The following DISC1 variants were observed in gnomAD, a reference collection of about 807,000 sequenced individuals.
The protein encoded by DISC1 is DISC1 scaffold protein, also known as disrupted in schizophrenia 1 protein.
A neutral mutation model predicts 84.5 loss-of-function variants in DISC1; 57 were observed. The observed-to-expected ratio is 0.67, with a 90% CI of 0.55 to 0.84. DISC1 has a LOEUF of 0.84. DISC1 is among the 40% of genes least tolerant of loss of function. DISC1 has a pLI of 0.00. For missense variants in DISC1, 1,000 were observed against 1,057.8 expected (o/e 0.95, Z 0.76); for synonymous variants, 411 against 415.2 (o/e 0.99, Z 0.12).
At chr1:231,660,934 C>T (rs1442609959) in intron 1 of DISC1, among the ~76,000 whole-genome samples, 1 of 152,040 alleles carries the variant, frequency 6.6e-6, no homozygotes, top group Non-Finnish European at 1.5e-5. Context: ...TTTAGTGCTT[C>T]CTGGTGGTGA....
At position 231,942,608 on chromosome 1, in the gene DISC1, C is replaced by T. The variant is rs545844701; in HGVS notation, c.1982-16220C>T. ...TGGACCTGGGAGGCAGAGGTTGCAGCGAGCCGAGATTGCACCACTGCACTC... is the reference window on the plus strand; with the variant it reads ...TGGACCTGGGAGGCAGAGGTTGCAGTGAGCCGAGATTGCACCACTGCACTC... On this transcript the variant is annotated intron_variant, in intron 9 of 12. Coordinates refer to ENST00000439617, the MANE Select transcript of DISC1 (RefSeq NM_018662.3). 5.3e-5 allele frequency among the ~76,000 whole-genome samples: 8 copies of T among 151,996 alleles called. No homozygotes were observed. In the East Asian group the frequency reaches 1.2e-3, roughly 22 times the overall value.
rs536074098 is a variant in DISC1 at position 231,642,079 on chromosome 1, C to T, written c.67+15145C>T. Among the ~76,000 whole-genome samples, 31 of 152,304 alleles carry T rather than the reference C, an allele frequency of 2.0e-4. No homozygotes were observed. In the South Asian group the frequency reaches 5.4e-3, roughly 26 times the overall value. On this transcript the variant is annotated intron_variant, in intron 1 of 12. Coordinates refer to ENST00000439617, the MANE Select transcript of DISC1 (RefSeq NM_018662.3). ...GGCTCAGGCATGGCGGGCTGCAGGT[C>T]CCCAGCCCTGCCCCGCGGGAAGGCA...
At chr1:231,807,870 A>T (rs1359377916) in intron 8 of DISC1, among the ~76,000 whole-genome samples, 3 of 152,232 alleles carry the variant, frequency 2.0e-5, no homozygotes, top group African/African-American at 7.2e-5. Context: ...CTGTGAAAAA[A>T]ACTTTTAAAA....
chr1:231,677,570 C>T (rs979818884), intron 1 of DISC1, among the ~76,000 whole-genome samples: 7 of 152,226 alleles, frequency 4.6e-5, no homozygotes, highest in African/African-American at 7.2e-5. Flanking sequence ...TGTATCCTTA[C>T]GACAGCCTTT....
Position 232,010,007 on chromosome 1 carries a change from C to T in DISC1, c.2307+958C>T, listed in dbSNP as rs188249579. Among the ~76,000 whole-genome samples, 4 of 152,364 alleles carry T rather than the reference C, an allele frequency of 2.6e-5. No individual in the cohort carries two copies. In the East Asian group the frequency reaches 7.7e-4, roughly 29 times the overall value. ...CAGCCCTGCCAGTCTCACATCCCAT[C>T]TGCAGGACCATGGCCTTCAGAGAGC... On this transcript the variant is annotated intron_variant, in intron 11 of 12. Transcript: ENST00000439617.
intron 1 of DISC1, among the ~76,000 whole-genome samples, chr1:231,637,821 C>G (rs1302386479): frequency 7.9e-5 from 12 of 152,114 alleles, no homozygotes; most frequent in African/African-American, 2.7e-4. Context: ...AGGTATTTTT[C>G]TGATACATTG....
chr1:231,678,980 T>G (rs1455744476), intron 1 of DISC1, among the ~76,000 whole-genome samples: 1 of 152,204 alleles, frequency 6.6e-6, no homozygotes, highest in East Asian at 1.9e-4. Context: ...CCGGCCACGT[T>G]GCTCTGTCTC....
intron 7 of DISC1, among the ~76,000 whole-genome samples, chr1:231,796,272 G>A (rs993976400): frequency 6.6e-6 from 1 of 152,074 alleles, no homozygotes; most frequent in Admixed American, 6.6e-5. Flanking sequence ...ATGACTAAAT[G>A]TTGTGGCAGA....
intron 4 of DISC1, among the ~76,000 whole-genome samples, chr1:231,766,384 T>A (rs11122331): frequency 0.14 from 21,319 of 151,618 alleles, 1,565 homozygotes; most frequent in Middle Eastern, 0.2. Flanking sequence ...CTTGGCCTAA[T>A]TTTATTAAGT....
intron 4 of DISC1, among the ~76,000 whole-genome samples, chr1:231,762,385 G>A (rs1308138633): frequency 6.6e-6 from 1 of 151,108 alleles, no homozygotes; most frequent in Non-Finnish European, 1.5e-5. Flanking sequence ...CCTAGGCTGG[G>A]GTGCAGCAGC....
chr1:231,764,661 G>C (rs2076025462), intron 4 of DISC1, among the ~76,000 whole-genome samples: 1 of 152,102 alleles, frequency 6.6e-6, no homozygotes, highest in Non-Finnish European at 1.5e-5. Flanking sequence ...AGTATTTTCA[G>C]TCTTGGGCTA....
At chr1:231,810,452 A>G (rs202128749) in intron 8 of DISC1, among the ~76,000 whole-genome samples, 2 of 152,222 alleles carry the variant, frequency 1.3e-5, no homozygotes, top group Non-Finnish European at 2.9e-5. Context: ...CAAGAGACCC[A>G]GTAAAGATGT....
intron 1 of DISC1, among the ~76,000 whole-genome samples, chr1:231,691,421 G>A (rs781454024): frequency 2.0e-5 from 3 of 148,928 alleles, no homozygotes; most frequent in African/African-American, 5.1e-5. Context: ...ACAGGAGCGA[G>A]ACTGTCTCAA....
chr1:231,750,302 G>A (rs1487960263), intron 4 of DISC1: 11 of 1,352,460 alleles, frequency 8.1e-6, no homozygotes, highest in African/African-American at 1.5e-5. Context: ...GACAGAGAGA[G>A]AACCTTCTCA....
chr1:232,035,804 G>A (rs1670464626), intron 12 of DISC1, among the ~76,000 whole-genome samples: 1 of 152,184 alleles, frequency 6.6e-6, no homozygotes, highest in African/African-American at 2.4e-5. Context: ...GGATGAACTG[G>A]ATGACGTATG....
chr1:231,657,607 GT>G (rs908015835), intron 1 of DISC1, among the ~76,000 whole-genome samples: 32 of 152,254 alleles, frequency 2.1e-4, no homozygotes, highest in African/African-American at 5.8e-4. Context: ...CATTTTTATA[GT>G]TTTGGGTTTT....
intron 9 of DISC1, among the ~76,000 whole-genome samples, chr1:231,947,863 A>T (rs1315606255): frequency 1.3e-5 from 2 of 152,280 alleles, no homozygotes; most frequent in African/African-American, 4.8e-5. Context: ...AAAAATGCTC[A>T]TCATCACTGG....
intron 3 of DISC1, among the ~76,000 whole-genome samples, chr1:231,748,694 TTTG>T (rs1170608290): frequency 1.3e-5 from 2 of 152,224 alleles, no homozygotes; most frequent in East Asian, 1.9e-4. Context: ...GTTGGCTTCT[TTTG>T]TTGTTGTGTC....
chr1:231,862,786 A>T (rs143029778), intron 9 of DISC1, among the ~76,000 whole-genome samples: 62 of 152,328 alleles, frequency 4.1e-4, no homozygotes, highest in African/African-American at 1.4e-3. Context: ...TTTCAAAATG[A>T]CTTGCACCAT....
Sources: allele counts gnomAD v4.1 joint callset (sites outside exome capture counted in the v4.1 genomes callset), GRCh38; gene constraint gnomAD v4.1.1; transcripts MANE v1.5; gene names NCBI Gene and HGNC (gene_info 2026-07-23, HGNC 2026-07-21).